Variants in ITPR2 observed in about 807,000 individuals in gnomAD.
ITPR2 encodes inositol 1,4,5-trisphosphate-gated calcium channel ITPR2.
In ITPR2, 207 loss-of-function variants were observed where a neutral mutation model predicts 317.1. The ratio of observed to expected loss-of-function variants is 0.65; its 90% confidence interval spans 0.58 to 0.73. ITPR2 has a LOEUF of 0.73. Ranked by LOEUF, ITPR2 falls within the 30% of genes least tolerant of loss-of-function variation. The probability of loss-of-function intolerance (pLI) is 0.00; values close to 1 mark genes in which losing one functional copy is unlikely to be tolerated. For synonymous variants in ITPR2, 1,156 were observed against 1,149.1 expected, an observed-to-expected ratio of 1.01 and a Z score of -0.12; for missense variants, 2,613 against 3,284.0, an observed-to-expected ratio of 0.80 and a Z score of 4.99.
In ITPR2 at chr12:26,772,506, T is replaced by A. The variant is rs1440093332; in HGVS notation, c.163+17651A>T. ...ATATATAATACATATAATACATGTA[T>A]TATATATAATACATTATTATATATA... On this transcript the variant is annotated intron_variant, in intron 2 of 56. Coordinates refer to ENST00000381340, the MANE Select transcript of ITPR2 (RefSeq NM_002223.4). Among the ~76,000 whole-genome samples the A allele has an allele frequency of 2.0e-3, 194 of 94,734 alleles. 1 individual carries two copies. The highest frequency in any genetic ancestry group is 2.9e-3 in the Non-Finnish European group (115 of 40,094). The allele number at this position is 94,734 out of a possible 152,430, so 62.1% of individuals were successfully genotyped here.
At chr12:26,782,039 G>GT (rs1950103209) in intron 2 of ITPR2, among the ~76,000 whole-genome samples, 63 of 25,344 alleles carry the variant, frequency 2.5e-3, no homozygotes, top group African/African-American at 8.7e-3. Flanking sequence ...TATATGTATA[G>GT]AGAGAGAGAG....
chr12:26,423,851 T>A (rs1318721016), intron 49 of ITPR2, among the ~76,000 whole-genome samples: 1 of 152,176 alleles, frequency 6.6e-6, no homozygotes, highest in East Asian at 1.9e-4. Flanking sequence ...AATATTGCGA[T>A]CACTTCTGTG....
chr12:26,624,877 T>C (rs1487965489), intron 23 of ITPR2, among the ~76,000 whole-genome samples: 2 of 152,112 alleles, frequency 1.3e-5, no homozygotes, highest in Admixed American at 6.5e-5. Flanking sequence ...CAAAGAGATA[T>C]CTGCATTTCC....
At position 26,494,355 on chromosome 12, in the gene ITPR2, A is replaced by C. The variant is rs767735422; in HGVS notation, c.5183-15T>G. ...AGAAAAGCTTCCTGTGATTGGGAAA[A>C]ATAAATAAATAAACCTTAATTGTAG... On this transcript the variant is annotated splice_polypyrimidine_tract_variant and intron_variant, in intron 38 of 56. Coordinates refer to ENST00000381340, the MANE Select transcript of ITPR2 (RefSeq NM_002223.4). 2 of 1,544,344 alleles carry C rather than the reference A, an allele frequency of 1.3e-6. No individual in the cohort carries two copies. Among genetic ancestry groups the C allele is most frequent in the Non-Finnish European group, 1.8e-6 (2 of 1,132,704 alleles).
chr12:26,777,164 A>G (rs1949989697), intron 2 of ITPR2, among the ~76,000 whole-genome samples: 1 of 152,208 alleles, frequency 6.6e-6, no homozygotes, highest in Non-Finnish European at 1.5e-5. Context: ...ATAAGTTAAA[A>G]GATGGCCCAC....
chr12:26,588,725 A>C (rs1945603908), intron 32 of ITPR2, among the ~76,000 whole-genome samples: 1 of 152,246 alleles, frequency 6.6e-6, no homozygotes. Context: ...TATATCAAAA[A>C]AATGGCTCAA....
chr12:26,597,600 C>T (rs1406539418), intron 30 of ITPR2, among the ~76,000 whole-genome samples: 1 of 151,926 alleles, frequency 6.6e-6, no homozygotes, highest in Non-Finnish European at 1.5e-5. Context: ...CTACAAAATT[C>T]CATGTGTCAT....
At chr12:26,697,019 T>C (rs1309664831) in intron 9 of ITPR2, among the ~76,000 whole-genome samples, 3 of 152,214 alleles carry the variant, frequency 2.0e-5, no homozygotes, top group African/African-American at 7.2e-5. Flanking sequence ...GAATGCCGTA[T>C]GCTGGAATGA....
At chr12:26,671,264 G>T (rs1192542371) in intron 13 of ITPR2, among the ~76,000 whole-genome samples, 1 of 151,924 alleles carries the variant, frequency 6.6e-6, no homozygotes, top group Non-Finnish European at 1.5e-5. Context: ...CACCAAAGTT[G>T]AAATGAAGGA....
At chr12:26,595,030 G>C (rs745718053) in intron 32 of ITPR2, among the ~76,000 whole-genome samples, 9 of 152,186 alleles carry the variant, frequency 5.9e-5, no homozygotes, top group Non-Finnish European at 1.0e-4. Flanking sequence ...CAGCGAGCAA[G>C]GCCAAGTCCT....
At chr12:26,812,857 A>T (rs1249946724) in intron 1 of ITPR2, among the ~76,000 whole-genome samples, 4 of 152,258 alleles carry the variant, frequency 2.6e-5, no homozygotes, top group Non-Finnish European at 5.9e-5. Context: ...CACTGCCTTT[A>T]AAAAGCCACT....
At chr12:26,439,815 T>C (rs1941442745) in intron 46 of ITPR2, among the ~76,000 whole-genome samples, 1 of 152,216 alleles carries the variant, frequency 6.6e-6, no homozygotes, top group African/African-American at 2.4e-5. Context: ...TAAAATGTTC[T>C]CTTATTCATG....
chr12:26,665,515 A>G (rs147047621), intron 14 of ITPR2, among the ~76,000 whole-genome samples: 11 of 152,356 alleles, frequency 7.2e-5, no homozygotes, highest in African/African-American at 2.6e-4. Context: ...ATTACGTTCT[A>G]CAAAGATGGT....
In ITPR2 at chr12:26,682,074, T is replaced by G. The variant is rs1333005171; in HGVS notation, c.1249-40A>C. ...CATTAAGCTTAGTTTTATAAACAAC[T>G]ATACAATATTCTTTGAAGACTAACA... On this transcript the variant is annotated intron_variant, in intron 12 of 56. Transcript: ENST00000381340. 6 of 1,531,792 alleles carry G rather than the reference T, an allele frequency of 3.9e-6. No homozygotes were observed. In the Admixed American group the frequency reaches 1.1e-4, roughly 27 times the overall value. The allele number at this position is 1,531,792 out of a possible 1,614,324, so 94.9% of individuals were successfully genotyped here. A position where few individuals can be genotyped will look rare whatever the true frequency, so the allele number is the denominator to read the frequency against.
intron 55 of ITPR2, among the ~76,000 whole-genome samples, chr12:26,348,335 C>T (rs1213483349): frequency 3.3e-5 from 5 of 152,048 alleles, no homozygotes; most frequent in East Asian, 3.8e-4. Context: ...GGTTATGGGG[C>T]GTGGTTATGG....
chr12:26,564,504 TC>T (rs1051524204), intron 34 of ITPR2, among the ~76,000 whole-genome samples: 4 of 152,144 alleles, frequency 2.6e-5, no homozygotes, highest in Non-Finnish European at 4.4e-5. Flanking sequence ...TAATCATCAC[TC>T]CCCCTGAATG....
At chr12:26,357,149 G>A (rs990830639) in intron 55 of ITPR2, among the ~76,000 whole-genome samples, 1 of 151,986 alleles carries the variant, frequency 6.6e-6, no homozygotes, top group African/African-American at 2.4e-5. Context: ...ACATAGTGTT[G>A]GGAGGTTATG....
chr12:26,500,848 A>G (rs1409315933), intron 37 of ITPR2, among the ~76,000 whole-genome samples: 3 of 152,134 alleles, frequency 2.0e-5, no homozygotes, highest in African/African-American at 7.2e-5. Context: ...AGAAAGCACA[A>G]CTCTGTTTGC....
In ITPR2 at chr12:26,481,183, T is replaced by C. The variant is rs1253041332; in HGVS notation, c.6071A>G (p.Asn2024Ser). 6.2e-7 allele frequency: 1 copy of C among 1,613,742 alleles called. No individual in the cohort carries two copies. Among genetic ancestry groups the C allele is most frequent in the African/African-American group, 1.3e-5 (1 of 74,938 alleles). Reference protein sequence around the residue: ...GIDIIIALILNDINPLGKYRM... With the variant: ...GIDIIIALILSDINPLGKYRM... ...GTATTTACCAAGAGGGTTTATGTCA[T>C]TCAGAATCAAAGCAATGATGATATC... The change falls in exon 43 of 57, where the codon AAT becomes AGT. Residue 2024 changes from asparagine to serine, a missense_variant. Transcript: ENST00000381340.
Sources: gnomAD v4.1 joint callset for allele counts (sites outside exome capture counted in the v4.1 genomes callset) on GRCh38, gnomAD v4.1.1 for gene constraint, MANE v1.5 for transcripts, NCBI Gene and HGNC (gene_info 2026-07-23, HGNC 2026-07-21) for gene names.